The following SYCE1L variants were observed in gnomAD, a reference collection of about 807,000 sequenced individuals.
The protein encoded by SYCE1L is synaptonemal complex central element protein 1-like.
A neutral mutation model predicts 39.6 loss-of-function variants in SYCE1L; 51 were observed. That is an observed-to-expected ratio of 1.29 (90% confidence interval 1.03 to 1.63). The LOEUF is 1.63. Among genes scored for constraint, SYCE1L ranks in the 40% most tolerant of loss-of-function variants. The pLI is 0.00. For missense variants in SYCE1L, 426 were observed against 304.9 expected (o/e 1.40, Z -2.96); for synonymous variants, 147 against 122.4 (o/e 1.20, Z -1.33).
intron 1 of SYCE1L, chr16:77,200,805 C>T (rs1235787791): frequency 2.0e-5 from 3 of 150,670 alleles, no homozygotes; most frequent in African/African-American, 7.3e-5. Context: ...GGCAGTCATG[C>T]ATTTGTATGC....
At chr16:77,207,911 G>A (rs2054796533) in intron 2 of SYCE1L, among the ~76,000 whole-genome samples, 1 of 151,840 alleles carries the variant, frequency 6.6e-6, no homozygotes. Flanking sequence ...TTCTCATCTG[G>A]GGCCTTTGCA....
Position 77,211,297 on chromosome 16 carries a change from G to A in SYCE1L, c.423+21G>A, listed in dbSNP as rs1397456429. 3.2e-6 allele frequency: 5 copies of A among 1,551,708 alleles called. No individual in the cohort carries two copies. In the Admixed American group the frequency reaches 9.8e-5, roughly 30 times the overall value. ...TCCACGTGAGCCATTATCATTGCCT[G>A]CAACCAAAGCCACTCCTCCCTGGCT... On this transcript the variant is annotated intron_variant, in intron 7 of 10. Transcript: ENST00000378644.
At chr16:77,206,349 G>A (rs2054785578) in intron 1 of SYCE1L, 92 bp from the exon 2 acceptor site, 2 of 1,112,402 alleles carry the variant, frequency 1.8e-6, no homozygotes, top group Non-Finnish European at 2.6e-6. Context: ...CAGCCCACGG[G>A]TGTCTGCAGA....
chr16:77,208,295 A>G, intron 3 of SYCE1L, 26 bp downstream of exon 3: 1 of 1,550,896 alleles, frequency 6.4e-7, no homozygotes, highest in Non-Finnish European at 8.7e-7. Context: ...TAGACTGGCC[A>G]GCTGGGGCGA....
In SYCE1L at chr16:77,199,463, G is replaced by A; in HGVS notation, c.12G>A (p.Lys4=). 1.3e-6 allele frequency: 2 copies of A among 1,551,492 alleles called. No individual in the cohort carries two copies. The highest frequency in any genetic ancestry group is 1.7e-6 in the Non-Finnish European group (2 of 1,146,972). The change falls in exon 1 of 11, where the codon AAG becomes AAA. Residue 4 remains lysine (K), a synonymous_variant. Coordinates refer to ENST00000378644, the MANE Select transcript of SYCE1L (RefSeq NM_001129979.3). MAG[K]LKPLNVEAPE... ...CCCCGCGTTGGAAAATGGCGGGGAAGCTGAAACCTCTGAATGTGGAGGCGC... is the reference window on the plus strand; with the variant it reads ...CCCCGCGTTGGAAAATGGCGGGGAAACTGAAACCTCTGAATGTGGAGGCGC...
intron 2 of SYCE1L, among the ~76,000 whole-genome samples, 177 bp downstream of exon 2, chr16:77,206,677 G>T (rs1314149765): frequency 6.6e-6 from 1 of 152,082 alleles, no homozygotes; most frequent in Non-Finnish European, 1.5e-5. Context: ...AATTCAAGAA[G>T]TTTAAAGGAA....
chr16:77,209,056 A>C, intron 4 of SYCE1L, 41 bp from the exon 5 acceptor site: 1 of 1,550,254 alleles, frequency 6.5e-7, no homozygotes, highest in Non-Finnish European at 8.7e-7. Context: ...GGGGATGGCA[A>C]TGGGGTGCCT....
chr16:77,200,291 T>TATATATATATATACAC lies in SYCE1L; in HGVS notation c.61+780_61+781insTATATATATATACACA. On this transcript the variant is annotated intron_variant, in intron 1 of 10. Coordinates refer to ENST00000378644, the MANE Select transcript of SYCE1L (RefSeq NM_001129979.3). ...ATATATGTGTATATATATATATATA[T>TATATATATATATACAC]ACACACACTAATCAGCCGGGCGCGG... 2.0e-4 allele frequency: 22 copies of TATATATATATATACAC among 111,436 alleles called. 1 individual carries two copies. The highest frequency in any genetic ancestry group is 6.7e-4 in the African/African-American group (20 of 29,776). 6.9% of individuals were successfully genotyped at this position (111,436 alleles called of 1,614,324 possible). A position where few individuals can be genotyped will look rare whatever the true frequency, so the allele number is the denominator to read the frequency against.
At position 77,212,860 on chromosome 16, in the gene SYCE1L, G is replaced by C. The variant is rs1293304341; in HGVS notation, c.658G>C (p.Gly220Arg). The C allele has an allele frequency of 4.0e-6, 6 of 1,509,752 alleles. No individual in the cohort carries two copies. The East Asian group carries it at 1.3e-4, about 32-fold the overall frequency. 93.5% of individuals were successfully genotyped at this position (1,509,752 alleles called of 1,614,324 possible). The change falls in exon 11 of 11, where the codon GGA becomes CGA. Residue 220 changes from glycine (G) to arginine (R), a missense_variant. Coordinates refer to ENST00000378644, the MANE Select transcript of SYCE1L (RefSeq NM_001129979.3). ...PEVGAGEGEAGPELPRARDEE... is the reference protein window; with the variant it reads ...PEVGAGEGEARPELPRARDEE... The stretch of plus-strand genomic sequence containing the variant: ...AGCCTCACCCAGCCCCCGGCAGGCC[G>C]GACCTGAGCTCCCCCGCGCTCGCGA...
In SYCE1L at chr16:77,199,446, T is replaced by C; in HGVS notation, c.-6T>C. 1 of 1,551,522 alleles carries C rather than the reference T, an allele frequency of 6.4e-7. No homozygotes were observed. Among genetic ancestry groups the C allele is most frequent in the Non-Finnish European group, 8.7e-7 (1 of 1,146,988 alleles). Reference sequence around the variant, plus strand: ...CGAGGCTCGCGCGCAGGCCCCGCGTTGGAAAATGGCGGGGAAGCTGAAACC... The same window carrying C: ...CGAGGCTCGCGCGCAGGCCCCGCGTCGGAAAATGGCGGGGAAGCTGAAACC... On this transcript the variant is annotated 5_prime_UTR_variant, in exon 1 of 11. Coordinates refer to ENST00000378644, the MANE Select transcript of SYCE1L (RefSeq NM_001129979.3).
chr16:77,200,256 G>GGATAGA (rs2054719793), intron 1 of SYCE1L: 1 of 83,616 alleles, frequency 1.2e-5, no homozygotes, highest in African/African-American at 3.7e-5. Context: ...ATGTATATGT[G>GGATAGA]TATATATATA....
chr16:77,206,447 C>A lies in SYCE1L; in HGVS notation c.68C>A (p.Ala23Asp). 6.4e-7 allele frequency: 1 copy of A among 1,551,546 alleles called. No homozygotes were observed. The highest frequency in any genetic ancestry group is 8.7e-7 in the Non-Finnish European group (1 of 1,146,954). The change falls in exon 2 of 11, where the codon GCC becomes GAC. Residue 23 changes from alanine (A) to aspartate (D), a missense_variant. Ala to Asp is a moderately radical substitution (Grantham distance 126, BLOSUM62 -2). Transcript: ENST00000378644. ...TTGATTTTCCTTTCTACAGGGCAAG[C>A]CAAGTCTTTGAAGACTGAAGACTTG... ...PEATEEAEGQ[A>D]KSLKTEDLLA...
chr16:77,199,865 C>T (rs1260556030), intron 1 of SYCE1L: 3 of 192,828 alleles, frequency 1.6e-5, no homozygotes, highest in Admixed American at 1.1e-4. Context: ...TTCCCAGTGT[C>T]GCCATTTCAC....
chr16:77,206,870 C>T (rs568363032), intron 2 of SYCE1L, among the ~76,000 whole-genome samples: 1 of 152,266 alleles, frequency 6.6e-6, no homozygotes, highest in East Asian at 1.9e-4. Flanking sequence ...AATGGAAATG[C>T]AGTTGGTTTT....
At position 77,212,314 on chromosome 16, in the gene SYCE1L, G is replaced by C; in HGVS notation, c.526G>C (p.Glu176Gln). 2 of 1,525,536 alleles carry C rather than the reference G, an allele frequency of 1.3e-6. No homozygotes were observed. The highest frequency in any genetic ancestry group is 1.2e-5 in the South Asian group (1 of 81,008). 94.5% of individuals were successfully genotyped at this position (1,525,536 alleles called of 1,614,324 possible). ...RLVRAKLREV[E>Q]RRLHSPPEVE... ...GGTGCGCGCCAAGCTGCGGGAGGTG[G>C]AGCGGCGGCTGCACTCGCCGCCTGA... The change falls in exon 9 of 11, where the codon GAG (glutamate) becomes CAG (glutamine). Residue 176 changes from glutamate to glutamine, a missense_variant. Glu to Gln is a conservative substitution (Grantham distance 29). Coordinates refer to ENST00000378644, the MANE Select transcript of SYCE1L (RefSeq NM_001129979.3).
chr16:77,200,005 A>C (rs1165701502), intron 1 of SYCE1L: 2 of 133,680 alleles, frequency 1.5e-5, no homozygotes, highest in African/African-American at 5.3e-5. Context: ...GTCGGCCTAG[A>C]CACTATTGGA....
In SYCE1L at chr16:77,205,051, A is replaced by G. The variant is rs868301085; in HGVS notation, c.62-1390A>G. On this transcript the variant is annotated intron_variant, in intron 1 of 10. Coordinates refer to ENST00000378644, the MANE Select transcript of SYCE1L (RefSeq NM_001129979.3). Reference sequence around the variant, plus strand: ...CAAAGCGAGACTCCATCTCAAAAAAAAAAAAAAAAGAAAAGAAAAAGATAA... The same window carrying G: ...CAAAGCGAGACTCCATCTCAAAAAAGAAAAAAAAAGAAAAGAAAAAGATAA... Among the ~76,000 whole-genome samples, 3 of 119,798 alleles carry G rather than the reference A, an allele frequency of 2.5e-5. 1 individual carries two copies. The highest frequency in any genetic ancestry group is 5.3e-4 in the East Asian group (2 of 3,796). The allele number at this position is 119,798 out of a possible 152,430, so 78.6% of individuals were successfully genotyped here. A position where few individuals can be genotyped will look rare whatever the true frequency, so the allele number is the denominator to read the frequency against.
At chr16:77,206,734 C>G (rs532249991) in intron 2 of SYCE1L, among the ~76,000 whole-genome samples, 1 of 152,206 alleles carries the variant, frequency 6.6e-6, no homozygotes, top group Admixed American at 6.5e-5. Context: ...CCCCCACACA[C>G]CAGTCATCTA....
At chr16:77,208,685 GCT>G in intron 4 of SYCE1L, 146 bp downstream of exon 4, 1 of 832,928 alleles carries the variant, frequency 1.2e-6, no homozygotes, top group Non-Finnish European at 1.9e-6. Context: ...TCATCTTTCA[GCT>G]CTCAGCTCAA....
Sources: gnomAD v4.1 joint callset for allele counts (sites outside exome capture counted in the v4.1 genomes callset) on GRCh38, gnomAD v4.1.1 for gene constraint, MANE v1.5 for transcripts, NCBI Gene and HGNC (gene_info 2026-07-23, HGNC 2026-07-21) for gene names.